The following NAALADL2 variants were observed in gnomAD, a reference collection of about 807,000 sequenced individuals.
NAALADL2 encodes inactive N-acetylated-alpha-linked acidic dipeptidase-like protein 2.
Under a neutral mutation model 87.2 loss-of-function variants are expected in NAALADL2, and 76 were observed. The ratio of observed to expected loss-of-function variants is 0.87; its 90% CI spans 0.72 to 1.05. The LOEUF (loss-of-function observed/expected upper bound fraction) is 1.05, where lower values mean the gene tolerates loss of function less well. Among genes scored for constraint, NAALADL2 ranks in the 50% least tolerant of loss-of-function variants. NAALADL2 has a pLI of 0.00. For missense variants in NAALADL2, 1,089 were observed against 945.8 expected (o/e 1.15, Z -1.99); for synonymous variants, 354 against 331.0 (o/e 1.07, Z -0.75).
rs562712018 is a variant in NAALADL2, at chr3:175,006,173, A to T, written c.44-90617A>T. Among the ~76,000 whole-genome samples the T allele has an allele frequency of 7.2e-5, 11 of 152,098 alleles. No homozygotes were observed. The South Asian group carries it at 2.3e-3, about 32-fold the overall frequency. Reference sequence around the variant, plus strand: ...TTGAAGCTCTTAAAGGCCCACCTAAAATCCCCCATTTCTATGAAGCTTTCC... The same window carrying T: ...TTGAAGCTCTTAAAGGCCCACCTAATATCCCCCATTTCTATGAAGCTTTCC... On this transcript the variant is annotated intron_variant, in intron 1 of 13. Coordinates refer to ENST00000454872, the MANE Select transcript of NAALADL2 (RefSeq NM_207015.3).
chr3:174,674,245 C>T (rs1381475300), intron 2 of NAALADL2, among the ~76,000 whole-genome samples: 1 of 151,930 alleles, frequency 6.6e-6, no homozygotes, highest in Non-Finnish European at 1.5e-5. Context: ...AAGGGGATAG[C>T]ATTAAGCCAG....
At chr3:175,222,061 T>C (rs991069896) in intron 2 of NAALADL2, among the ~76,000 whole-genome samples, 1 of 151,960 alleles carries the variant, frequency 6.6e-6, no homozygotes, top group Non-Finnish European at 1.5e-5. Flanking sequence ...GTGGTTATTT[T>C]TGTGAAAAAA....
Position 175,642,102 on chromosome 3 carries a change from T to C in NAALADL2, c.1896+14716T>C, listed in dbSNP as rs573796595. Among the ~76,000 whole-genome samples the C allele has an allele frequency of 2.0e-5, 3 of 152,286 alleles. No homozygotes were observed. In the East Asian group the frequency reaches 5.8e-4, roughly 29 times the overall value. On this transcript the variant is annotated intron_variant, in intron 11 of 13. Coordinates refer to ENST00000454872, the MANE Select transcript of NAALADL2 (RefSeq NM_207015.3). ...CCTGGGTGTCTCTTCTCAATCACCA[T>C]CCCAAATCTTTATAAAAGGGATAAC... is the stretch of plus-strand genomic sequence containing the variant.
intron 2 of NAALADL2, among the ~76,000 whole-genome samples, chr3:175,208,758 A>G (rs1426528771): frequency 6.6e-6 from 1 of 152,186 alleles, no homozygotes; most frequent in Non-Finnish European, 1.5e-5. Context: ...AATATGGAAA[A>G]TGGAGAAGCG....
chr3:175,562,098 G>T (rs79876647), intron 9 of NAALADL2, among the ~76,000 whole-genome samples: 2 of 152,130 alleles, frequency 1.3e-5, no homozygotes, highest in Non-Finnish European at 2.9e-5. Flanking sequence ...TTCAGTTCCC[G>T]ATGTGGGTGG....
intron 9 of NAALADL2, among the ~76,000 whole-genome samples, chr3:175,520,867 T>C (rs1732556628): frequency 6.6e-6 from 1 of 152,142 alleles, no homozygotes; most frequent in African/African-American, 2.4e-5. Context: ...TCCTCTGCCA[T>C]TTATAGATGT....
chr3:175,090,982 A>AAT (rs1553770683), intron 1 of NAALADL2, among the ~76,000 whole-genome samples: 57 of 151,584 alleles, frequency 3.8e-4, no homozygotes, highest in African/African-American at 1.2e-3. Context: ...GGAAAAAAAA[A>AAT]ATATCATTAT....
intron 9 of NAALADL2, among the ~76,000 whole-genome samples, chr3:175,536,799 C>G (rs1461180056): frequency 6.6e-6 from 1 of 152,058 alleles, no homozygotes; most frequent in African/African-American, 2.4e-5. Context: ...AGGCGTGAGA[C>G]GCAAACCCCG....
At chr3:174,657,142 A>G (rs372667522) in intron 2 of NAALADL2, among the ~76,000 whole-genome samples, 1 of 134,726 alleles carries the variant, frequency 7.4e-6, no homozygotes, top group Non-Finnish European at 1.5e-5. Context: ...CAATCCTCCC[A>G]CCCCAGCCTC....
intron 13 of NAALADL2, among the ~76,000 whole-genome samples, chr3:175,790,507 G>C (rs2108286653): frequency 6.6e-6 from 1 of 152,180 alleles, no homozygotes; most frequent in South Asian, 2.1e-4. Flanking sequence ...CAATCTTTTG[G>C]TATAAGACAA....
chr3:174,553,096 A>G (rs750962701), intron 2 of NAALADL2, among the ~76,000 whole-genome samples: 2 of 152,178 alleles, frequency 1.3e-5, no homozygotes, highest in Non-Finnish European at 2.9e-5. Flanking sequence ...AAGTGAACTA[A>G]ATTCTATTTC....
intron 3 of NAALADL2, among the ~76,000 whole-genome samples, chr3:174,770,847 CA>C (rs11348105): frequency 0.55 from 74,328 of 136,278 alleles, 19,238 homozygotes; most frequent in Middle Eastern, 0.64. Flanking sequence ...CTCGGTCTAA[CA>C]AAAAAAAAAA....
At chr3:175,015,533 C>G (rs1288124072) in intron 1 of NAALADL2, among the ~76,000 whole-genome samples, 4 of 152,030 alleles carry the variant, frequency 2.6e-5, no homozygotes, top group Non-Finnish European at 5.9e-5. Flanking sequence ...AGCACTTGTG[C>G]TGGTATCAAT....
At chr3:175,047,327 A>C (rs1189307587) in intron 1 of NAALADL2, among the ~76,000 whole-genome samples, 1 of 152,164 alleles carries the variant, frequency 6.6e-6, no homozygotes. Context: ...GACAAAAAAC[A>C]TGTATTTCCC....
chr3:174,656,479 T>C (rs1724940310), intron 2 of NAALADL2, among the ~76,000 whole-genome samples: 1 of 152,196 alleles, frequency 6.6e-6, no homozygotes, highest in Non-Finnish European at 1.5e-5. Context: ...AATGTGAGTG[T>C]TCTCAAATGG....
intron 13 of NAALADL2, among the ~76,000 whole-genome samples, chr3:175,769,726 ATGTG>A (rs59250890): frequency 6.6e-6 from 1 of 151,220 alleles, no homozygotes; most frequent in Non-Finnish European, 1.5e-5. Flanking sequence ...ATGTGTGTGC[ATGTG>A]TGTGTGTGTC....
chr3:175,415,399 A>C (rs1714435004), intron 5 of NAALADL2, among the ~76,000 whole-genome samples: 1 of 152,196 alleles, frequency 6.6e-6, no homozygotes. Context: ...GTTAAGCTGC[A>C]TGGTACTCTT....
At chr3:174,501,350 T>G (rs1418798146) in intron 1 of NAALADL2, among the ~76,000 whole-genome samples, 1 of 152,058 alleles carries the variant, frequency 6.6e-6, no homozygotes. Context: ...AGTGCTGGGA[T>G]TACAGGCGTG....
intron 4 of NAALADL2, among the ~76,000 whole-genome samples, chr3:175,317,292 T>C (rs1318272517): frequency 2.0e-5 from 3 of 151,874 alleles, no homozygotes; most frequent in African/African-American, 7.3e-5. Flanking sequence ...TGTACTTACC[T>C]TTACAGAAGG....
Sources: gnomAD v4.1 joint callset for allele counts (sites outside exome capture counted in the v4.1 genomes callset) on GRCh38, gnomAD v4.1.1 for gene constraint, MANE v1.5 for transcripts, NCBI Gene and HGNC (gene_info 2026-07-23, HGNC 2026-07-21) for gene names.